The following POLR3G variants were observed in gnomAD, a reference collection of about 807,000 sequenced individuals.
POLR3G encodes the protein RNA polymerase III subunit G.
In POLR3G, 28 loss-of-function variants were observed where a neutral mutation model predicts 30.1. The observed-to-expected ratio is 0.93, with a 90% CI of 0.69 to 1.27. The LOEUF is 1.27. POLR3G is among the 50% of genes most tolerant of loss of function. The probability of loss-of-function intolerance (pLI) is 0.00; values close to 1 mark genes in which losing one functional copy is unlikely to be tolerated. For missense variants in POLR3G, 254 were observed against 264.6 expected (o/e 0.96, Z 0.28); for synonymous variants, 79 against 82.5 (o/e 0.96, Z 0.23).
At chr5:90,506,178 G>T (rs148791965) in intron 6 of POLR3G, among the ~76,000 whole-genome samples, 1,866 of 152,176 alleles carry the variant, frequency 0.012, 47 homozygotes, top group African/African-American at 0.042. Flanking sequence ...GCTGTGAGCC[G>T]AGATCGTGGC....
rs59951999 is a variant in POLR3G, at chr5:90,487,378, A to ATTTTTTTTTTTTTT, written c.118-606_118-593dup. Among the ~76,000 whole-genome samples the ATTTTTTTTTTTTTT allele has an allele frequency of 1.2e-4, 7 of 57,028 alleles. 1 individual carries two copies. The highest frequency in any genetic ancestry group is 5.5e-4 in the African/African-American group (7 of 12,634). The allele number at this position is 57,028 out of a possible 152,430, so 37.4% of individuals were successfully genotyped here. On this transcript the variant is annotated intron_variant, in intron 2 of 7. Transcript: ENST00000651687. ...TTTTCTTTTTTTTTTTGGTACATTA[A>ATTTTTTTTTTTTTT]TTTTTTTTTTTTTTTTTTTTTTTTT... is the stretch of plus-strand genomic sequence containing the variant.
At chr5:90,477,370 G>A (rs1374792378) in intron 1 of POLR3G, among the ~76,000 whole-genome samples, 2 of 152,162 alleles carry the variant, frequency 1.3e-5, no homozygotes, top group Admixed American at 6.5e-5. Flanking sequence ...ATTCCAGAAA[G>A]ATACCCTAGA....
intron 5 of POLR3G, among the ~76,000 whole-genome samples, chr5:90,499,934 A>G (rs1752169934): frequency 6.6e-6 from 1 of 152,182 alleles, no homozygotes; most frequent in Admixed American, 6.5e-5. Context: ...AATAAAATAC[A>G]TGTGCATGAA....
chr5:90,500,593 T>C lies in POLR3G; in HGVS notation c.356-1313T>C, dbSNP rs923778327. On this transcript the variant is annotated intron_variant, in intron 5 of 7. Coordinates refer to ENST00000651687, the MANE Select transcript of POLR3G (RefSeq NM_006467.3). ...GTTACAGTTCATATTAAACAGTCTT[T>C]GCCCTCGAGGGGGTCAGAGAAAGTT... Among the ~76,000 whole-genome samples the C allele has an allele frequency of 2.0e-5, 3 of 152,266 alleles. No individual in the cohort carries two copies. In the East Asian group the frequency reaches 5.8e-4, roughly 29 times the overall value.
chr5:90,511,182 A>G (rs1356784419), intron 7 of POLR3G, among the ~76,000 whole-genome samples: 1 of 152,216 alleles, frequency 6.6e-6, no homozygotes, highest in African/African-American at 2.4e-5. Context: ...TAGGCATCGT[A>G]TCATTTCATC....
At position 90,513,426 on chromosome 5, in the gene POLR3G, C is replaced by T. The variant is rs1343782154; in HGVS notation, c.*1287C>T. The T allele has an allele frequency of 6.6e-6, 1 of 152,568 alleles. No individual in the cohort carries two copies. The highest frequency in any genetic ancestry group is 1.5e-5 in the Non-Finnish European group (1 of 68,020). The allele number at this position is 152,568 out of a possible 1,614,324, so 9.5% of individuals were successfully genotyped here. ...TGTTTAAACACCAACCAAAATTTAC[C>T]ATATGTATTCATTCTCTTGCCTTAA... On this transcript the variant is annotated 3_prime_UTR_variant, in exon 8 of 8. Coordinates refer to ENST00000651687, the MANE Select transcript of POLR3G (RefSeq NM_006467.3).
chr5:90,476,092 C>CT (rs2151895709), intron 1 of POLR3G, among the ~76,000 whole-genome samples: 1 of 152,318 alleles, frequency 6.6e-6, no homozygotes, highest in South Asian at 2.1e-4. Context: ...GATAAAGAGA[C>CT]TCATGAGACA....
At chr5:90,485,387 T>C in intron 1 of POLR3G, 138 bp from the exon 2 acceptor site, 1 of 536,212 alleles carries the variant, frequency 1.9e-6, no homozygotes, top group Non-Finnish European at 3.3e-6. Context: ...AGTTGTCACA[T>C]GTTTATTTGT....
chr5:90,510,160 A>G (rs1752670661), intron 7 of POLR3G, among the ~76,000 whole-genome samples: 1 of 152,076 alleles, frequency 6.6e-6, no homozygotes, highest in African/African-American at 2.4e-5. Flanking sequence ...GTCTGCTTGC[A>G]CTGAGTTCAG....
chr5:90,511,850 G>A (rs1320248204), intron 7 of POLR3G, among the ~76,000 whole-genome samples: 2 of 152,154 alleles, frequency 1.3e-5, no homozygotes, highest in Non-Finnish European at 2.9e-5. Context: ...GATGGTATGG[G>A]CAACCCTTCA....
chr5:90,474,221 G>A (rs1257860242), upstream of POLR3G: 3 of 1,613,028 alleles, frequency 1.9e-6, no homozygotes, highest in East Asian at 2.2e-5. Context: ...TGCCCGACTC[G>A]TAGAAACGTT....
At chr5:90,491,030 C>T (rs1751699674) in intron 3 of POLR3G, among the ~76,000 whole-genome samples, 1 of 152,060 alleles carries the variant, frequency 6.6e-6, no homozygotes, top group Admixed American at 6.6e-5. Flanking sequence ...AATCACTAGA[C>T]ACTAGGACAG....
At chr5:90,507,587 TTC>T (rs1362982402) in intron 7 of POLR3G, among the ~76,000 whole-genome samples, 1 of 152,200 alleles carries the variant, frequency 6.6e-6, no homozygotes, top group Non-Finnish European at 1.5e-5. Context: ...TCTACTTCTG[TTC>T]TCTGTTCCAT....
intron 7 of POLR3G, among the ~76,000 whole-genome samples, chr5:90,509,034 C>T (rs35407205): frequency 0.31 from 47,730 of 152,102 alleles, 7,983 homozygotes; most frequent in Non-Finnish European, 0.38. Flanking sequence ...GCACTCCAGC[C>T]TGGGCAACAT....
At chr5:90,483,634 G>A (rs1201104042) in intron 1 of POLR3G, among the ~76,000 whole-genome samples, 2 of 151,808 alleles carry the variant, frequency 1.3e-5, no homozygotes, top group Admixed American at 1.3e-4. Context: ...GTGAAACCCC[G>A]TCTCTACTAA....
rs752066245 is a variant in POLR3G at position 90,501,984 on chromosome 5, T to TG, written c.436dup (p.Glu146GlyfsTer8). 1 of 1,612,242 alleles carries TG rather than the reference T, an allele frequency of 6.2e-7. No homozygotes were observed. The highest frequency in any genetic ancestry group is 2.2e-5 in the East Asian group (1 of 44,680). ...AATACTGAAGATGTGTTGAAAAAAA[T>TG]GGAGGTAAGGTTTTCTTCTTACTAT... On this transcript the variant is annotated frameshift_variant, in exon 6 of 8. Coordinates refer to ENST00000651687, the MANE Select transcript of POLR3G (RefSeq NM_006467.3). LOFTEE classifies it high-confidence loss of function.
chr5:90,474,538 C>T (rs866529773), upstream of POLR3G: 7 of 527,876 alleles, frequency 1.3e-5, no homozygotes, highest in Admixed American at 3.6e-5. Context: ...GCTGCGCCAC[C>T]AGCACGGGGG....
intron 5 of POLR3G, 152 bp downstream of exon 5, chr5:90,497,858 C>T: frequency 2.1e-6 from 2 of 936,270 alleles, no homozygotes; most frequent in South Asian, 2.1e-5. Context: ...GTAATCTCAG[C>T]ATTTCGGGAG....
intron 1 of POLR3G, among the ~76,000 whole-genome samples, chr5:90,485,128 C>A (rs2562520): frequency 0.71 from 107,755 of 152,150 alleles, 38,637 homozygotes; most frequent in Admixed American, 0.78. Context: ...TAAGATAAAT[C>A]ATTTAAAGTC....
Sources: gnomAD v4.1 joint callset for allele counts (sites outside exome capture counted in the v4.1 genomes callset) on GRCh38, gnomAD v4.1.1 for gene constraint, MANE v1.5 for transcripts, NCBI Gene and HGNC (gene_info 2026-07-23, HGNC 2026-07-21) for gene names.